The following RFX2 variants were observed in gnomAD, a reference collection of about 807,000 sequenced individuals.
RFX2 encodes DNA-binding protein RFX2.
A neutral mutation model predicts 87.8 loss-of-function variants in RFX2; 20 were observed. That is an observed-to-expected ratio of 0.23 (90% CI 0.16 to 0.33). RFX2 has a LOEUF of 0.33. Among genes scored for constraint, RFX2 ranks in the 10% least tolerant of loss-of-function variants. RFX2 has a pLI of 1.00. For missense variants in RFX2, 767 were observed against 1,012.3 expected, an observed-to-expected ratio of 0.76 and a Z score of 3.29; for synonymous variants, 397 against 431.3, an observed-to-expected ratio of 0.92 and a Z score of 0.98.
rs2087345854 is a variant in RFX2, at chr19:6,056,544, G to C, written c.-8-9040C>G. ...GAGAGTGGGCAGAGGGCAGGGCCCC[G>C]AGGGCGTGGGTGTACTCAAGGTAAA... On this transcript the variant is annotated intron_variant, in intron 1 of 17. Transcript: ENST00000303657. This position sits in a 1 kb window ranked among gnomAD's most constrained non-coding sequence, Gnocchi z 4.6. Among the ~76,000 whole-genome samples the C allele has an allele frequency of 6.6e-6, 1 of 152,182 alleles. No individual in the cohort carries two copies. The highest frequency in any genetic ancestry group is 1.5e-5 in the Non-Finnish European group (1 of 68,014).
intron 5 of RFX2, among the ~76,000 whole-genome samples, chr19:6,034,947 AAAAG>A (rs2087001741): frequency 6.6e-6 from 1 of 152,196 alleles, no homozygotes; most frequent in Non-Finnish European, 1.5e-5. Flanking sequence ...TTCTTGGGCA[AAAAG>A]AAAGCTGTCA....
rs1048986168 is a variant in RFX2 at position 6,066,664 on chromosome 19, G to A, written c.-8-19160C>T. 1.2e-4 allele frequency among the ~76,000 whole-genome samples: 19 copies of A among 152,296 alleles called. No individual in the cohort carries two copies. In the Middle Eastern group the frequency reaches 0.01, roughly 82 times the overall value. On this transcript the variant is annotated intron_variant, in intron 1 of 17. Transcript: ENST00000303657. ...ATATTGGTTCTTTCAAGCAGATCCC[G>A]AGTGGATCCATGTCTGCCTGTTGTG...
rs2087339530 is a variant in RFX2, at chr19:6,056,260, A to G, written c.-8-8756T>C. Among the ~76,000 whole-genome samples, 1 of 152,212 alleles carries G rather than the reference A, an allele frequency of 6.6e-6. No homozygotes were observed. The highest frequency in any genetic ancestry group is 2.1e-4 in the South Asian group (1 of 4,828). On this transcript the variant is annotated intron_variant, in intron 1 of 17. Transcript: ENST00000303657. The surrounding 1 kb of genome is among the most constrained non-coding windows in gnomAD (Gnocchi z 4.6). ...GTGGGTACAGGTATCCAGGTGTTAT[A>G]AGAATGGCAGGACCCTGACACCCTG...
At position 6,101,996 on chromosome 19, in the gene RFX2, A is replaced by C. The variant is rs1004634892; in HGVS notation, c.-9+8397T>G. ...TTCTGATGCATGCTACAGCATGGAT[A>C]AGCCTTGAAGACATTGTGCTAAGTG... On this transcript the variant is annotated intron_variant, in intron 1 of 17. Coordinates refer to ENST00000303657, the MANE Select transcript of RFX2 (RefSeq NM_000635.4). The surrounding 1 kb of genome is among the most constrained non-coding windows in gnomAD (Gnocchi z 4.9). 6.6e-6 allele frequency among the ~76,000 whole-genome samples: 1 copy of C among 152,236 alleles called. No individual in the cohort carries two copies. Among genetic ancestry groups the C allele is most frequent in the African/African-American group, 2.4e-5 (1 of 41,462 alleles).
intron 17 of RFX2, 114 bp from the exon 18 acceptor site, chr19:5,995,064 A>G: frequency 4.9e-6 from 4 of 811,194 alleles, no homozygotes; most frequent in South Asian, 1.6e-5. Context: ...CCGAGGATAC[A>G]TGGCAGCCTG....
At chr19:6,099,501 G>A (rs2088082745) in intron 1 of RFX2, among the ~76,000 whole-genome samples, 1 of 151,826 alleles carries the variant, frequency 6.6e-6, no homozygotes, top group African/African-American at 2.4e-5. Flanking sequence ...TGGATCTCAG[G>A]CACGGGCTGC....
intron 6 of RFX2, among the ~76,000 whole-genome samples, chr19:6,025,694 A>G (rs1272987123): frequency 6.7e-6 from 1 of 150,126 alleles, no homozygotes; most frequent in Non-Finnish European, 1.5e-5. Flanking sequence ...GCTGAAGGGT[A>G]TTTTTTGCTG....
rs550143741 is a variant in RFX2 at position 6,063,040 on chromosome 19, C to T, written c.-8-15536G>A. Among the ~76,000 whole-genome samples, 7 of 152,304 alleles carry T rather than the reference C, an allele frequency of 4.6e-5. No individual in the cohort carries two copies. Among genetic ancestry groups the T allele is most frequent in the East Asian group, 3.9e-4 (2 of 5,186 alleles). ...TGCTGGGGTCACCCACATCCCCTCC[C>T]GTGAGCTGCTGTGTCTCGTATCCCT... On this transcript the variant is annotated intron_variant, in intron 1 of 17. Transcript: ENST00000303657. The surrounding 1 kb of genome is among the most constrained non-coding windows in gnomAD (Gnocchi z 4.0).
intron 1 of RFX2, among the ~76,000 whole-genome samples, chr19:6,109,649 A>G (rs1449651283): frequency 6.6e-6 from 1 of 152,182 alleles, no homozygotes; most frequent in African/African-American, 2.4e-5. Flanking sequence ...TAAGAGTGAC[A>G]GAAGGGCTCT....
chr19:6,093,914 C>A (rs79830414), intron 1 of RFX2, among the ~76,000 whole-genome samples: 2 of 152,080 alleles, frequency 1.3e-5, no homozygotes. Flanking sequence ...CAGAAAGTGG[C>A]TTAGTGGCTG....
chr19:6,106,209 A>G (rs1369031203), intron 1 of RFX2, among the ~76,000 whole-genome samples: 1 of 151,294 alleles, frequency 6.6e-6, no homozygotes, highest in Non-Finnish European at 1.5e-5. Context: ...TCTAATTCCC[A>G]GTGTATATTC....
In RFX2 at chr19:6,002,060, A is replaced by C; in HGVS notation, c.1651-37T>G. ...GCAGAGGCCAGTGTCAGCAATGTGG[A>C]CCCCCAGCCACGGCAGCCCTCCCTG... On this transcript the variant is annotated intron_variant, in intron 14 of 17. Transcript: ENST00000303657. The surrounding 1 kb of genome is among the most constrained non-coding windows in gnomAD (Gnocchi z 6.7). The C allele has an allele frequency of 6.5e-7, 1 of 1,534,558 alleles. No individual in the cohort carries two copies.
Position 6,004,244 on chromosome 19 carries a change from G to A in RFX2, c.1457C>T (p.Thr486Ile). 1 of 1,613,774 alleles carries A rather than the reference G, an allele frequency of 6.2e-7. No homozygotes were observed. The highest frequency in any genetic ancestry group is 8.5e-7 in the Non-Finnish European group (1 of 1,179,856). The change falls in exon 13 of 18, where the codon ACA becomes ATA. Residue 486 changes from threonine to isoleucine, a missense_variant. By Grantham distance (89) the Thr-to-Ile change is moderately conservative (BLOSUM62 -1). Coordinates refer to ENST00000303657, the MANE Select transcript of RFX2 (RefSeq NM_000635.4). The surrounding 1 kb of genome is among the most constrained non-coding windows in gnomAD (Gnocchi z 4.8). ...NFAKSLEGWLTNAMSDFPQQV... is the reference protein window; with the variant it reads ...NFAKSLEGWLINAMSDFPQQV... ...TTGTGGGAAGTCACTCATGGCATTT[G>A]TCAACCAGCCTTCCAAGCTCTTGGC...
Position 6,002,681 on chromosome 19 carries a change from CG to C in RFX2, c.1650+39del. Reference sequence around the variant, plus strand: ...TGGGTTTGCTGGTTTTGCTGGAGGGCGGGAAGCCCGGGCCCTGGGGACGGTG... The same window carrying C: ...TGGGTTTGCTGGTTTTGCTGGAGGGCGGAAGCCCGGGCCCTGGGGACGGTG... On this transcript the variant is annotated intron_variant, in intron 14 of 17. Transcript: ENST00000303657. This position sits in a 1 kb window ranked among gnomAD's most constrained non-coding sequence, Gnocchi z 6.7. The C allele has an allele frequency of 6.2e-7, 1 of 1,605,268 alleles. No individual in the cohort carries two copies. Among genetic ancestry groups the C allele is most frequent in the Non-Finnish European group, 8.5e-7 (1 of 1,174,900 alleles).
intron 1 of RFX2, chr19:6,049,046 T>G (rs2144783090): frequency 6.6e-6 from 1 of 152,330 alleles, no homozygotes; most frequent in Admixed American, 6.5e-5. Context: ...AGCCCGCACC[T>G]CCTACCTTCT....
chr19:6,094,749 T>C (rs767428214), intron 1 of RFX2, among the ~76,000 whole-genome samples: 1 of 152,232 alleles, frequency 6.6e-6, no homozygotes, highest in Admixed American at 6.5e-5. Context: ...ATATAGGTTA[T>C]ATATTGAAAT....
rs1302147657 is a variant in RFX2, at chr19:6,073,302, A to G, written c.-8-25798T>C. 6.2e-6 allele frequency: 7 copies of G among 1,121,250 alleles called. No homozygotes were observed. In the Admixed American group the frequency reaches 1.0e-4, roughly 16 times the overall value. The allele number at this position is 1,121,250 out of a possible 1,614,324, so 69.5% of individuals were successfully genotyped here. A position where few individuals can be genotyped will look rare whatever the true frequency, so the allele number is the denominator to read the frequency against. On this transcript the variant is annotated intron_variant, in intron 1 of 17. Coordinates refer to ENST00000303657, the MANE Select transcript of RFX2 (RefSeq NM_000635.4). ...CAAGGGCCAGATCTTGATGCCCAAC[A>G]CTGGTCATGGGAGCAACAAAAAACA...
rs1599847958 is a variant in RFX2, at chr19:6,010,152, G to A, written c.999C>T (p.His333=). ...PEQTMAVQSQ[H]HQQYIDVSHV... Reference sequence around the variant, plus strand: ...GCCTCTCACCTATGTACTGCTGGTGGTGCTGGCTCTGCACGGCCATGGTCT... The same window carrying A: ...GCCTCTCACCTATGTACTGCTGGTGATGCTGGCTCTGCACGGCCATGGTCT... Residue 333 remains histidine, a synonymous_variant, in exon 9 of 18, where the codon CAC becomes CAT. Transcript: ENST00000303657. This position sits in a 1 kb window ranked among gnomAD's most constrained non-coding sequence, Gnocchi z 5.0. 2 of 1,547,984 alleles carry A rather than the reference G, an allele frequency of 1.3e-6. No homozygotes were observed. Among genetic ancestry groups the A allele is most frequent in the Non-Finnish European group, 1.7e-6 (2 of 1,145,908 alleles).
chr19:6,001,684 T>G lies in RFX2; in HGVS notation c.1859+131A>C. On this transcript the variant is annotated intron_variant, in intron 15 of 17. Transcript: ENST00000303657. This position sits in a 1 kb window ranked among gnomAD's most constrained non-coding sequence, Gnocchi z 5.6. ...CAGCCAGGTAGTTGTTTTTTGCGGGTTCAGACACTGCTGCAACTCTGCTGA... is the reference window on the plus strand; with the variant it reads ...CAGCCAGGTAGTTGTTTTTTGCGGGGTCAGACACTGCTGCAACTCTGCTGA... 2.6e-6 allele frequency: 2 copies of G among 777,534 alleles called. No homozygotes were observed. Among genetic ancestry groups the G allele is most frequent in the Non-Finnish European group, 3.9e-6 (2 of 507,220 alleles). 48.2% of individuals were successfully genotyped at this position (777,534 alleles called of 1,614,324 possible).
Sources: allele counts gnomAD v4.1 joint callset (sites outside exome capture counted in the v4.1 genomes callset), GRCh38; gene constraint gnomAD v4.1.1; non-coding constraint Gnocchi (gnomAD v3.1); transcripts MANE v1.5; gene names NCBI Gene and HGNC (gene_info 2026-07-23, HGNC 2026-07-21).